The following CD38 variants were observed in gnomAD, a reference collection of about 807,000 sequenced individuals.
CD38 encodes CD38 molecule, also known as ADP-ribosyl cyclase/cyclic ADP-ribose hydrolase 1.
Under a neutral mutation model 36.3 loss-of-function variants are expected in CD38, and 31 were observed. The observed-to-expected ratio is 0.85, with a 90% CI of 0.64 to 1.15. The LOEUF (loss-of-function observed/expected upper bound fraction) is 1.15, where lower values mean the gene tolerates loss of function less well. Ranked by LOEUF, CD38 falls within the 50% of genes most tolerant of loss-of-function variation. The probability of loss-of-function intolerance (pLI) is 0.00; values close to 1 mark genes in which losing one functional copy is unlikely to be tolerated. For synonymous variants in CD38, 131 were observed against 135.2 expected, an observed-to-expected ratio of 0.97 and a Z score of 0.22; for missense variants, 380 against 371.9, an observed-to-expected ratio of 1.02 and a Z score of -0.18.
chr4:15,847,977 C>T lies in CD38; in HGVS notation c.840-562C>T, dbSNP rs79913564. ...ACAAGGGCAGGTTCTGACACCTCTT[C>T]CTTCCAGAAGCCCAGGGGTGCTGGC... is the stretch of plus-strand genomic sequence containing the variant. On this transcript the variant is annotated intron_variant, in intron 7 of 7. Coordinates refer to ENST00000226279, the MANE Select transcript of CD38 (RefSeq NM_001775.4). 3.9e-3 allele frequency among the ~76,000 whole-genome samples: 594 copies of T among 152,310 alleles called. 2 individuals carry two copies. Among genetic ancestry groups the T allele is most frequent in the African/African-American group, 0.013 (558 of 41,566 alleles).
rs766870428 is a variant in CD38, at chr4:15,816,645, T to A, written c.363+5T>A. On this transcript the variant is annotated splice_donor_5th_base_variant and intron_variant, in intron 2 of 7. Transcript: ENST00000226279. ...CAGACCGTACCTTGCAACAAGGTAATTGGGGGCATGCCATTGATTTTAAAA... is the reference window on the plus strand; with the variant it reads ...CAGACCGTACCTTGCAACAAGGTAAATGGGGGCATGCCATTGATTTTAAAA... The A allele has an allele frequency of 5.0e-6, 8 of 1,613,232 alleles. No individual in the cohort carries two copies.
At chr4:15,813,191 T>C (rs6449195) in intron 1 of CD38, among the ~76,000 whole-genome samples, 24,429 of 152,174 alleles carry the variant, frequency 0.16, 2,387 homozygotes, top group African/African-American at 0.28. Context: ...ATCTTTGGAC[T>C]GTACTTGATT....
At chr4:15,785,782 C>T (rs751948518) in intron 1 of CD38, among the ~76,000 whole-genome samples, 4 of 152,166 alleles carry the variant, frequency 2.6e-5, no homozygotes, top group South Asian at 2.1e-4. Flanking sequence ...GTCCGGAATT[C>T]GTGGGTTCTT....
intron 3 of CD38, among the ~76,000 whole-genome samples, chr4:15,827,434 A>G (rs1316278945): frequency 3.3e-5 from 5 of 152,036 alleles, no homozygotes; most frequent in Admixed American, 2.6e-4. Flanking sequence ...ATTTTCACCT[A>G]CTATTTTTAC....
chr4:15,783,933 A>G (rs537233522), intron 1 of CD38, among the ~76,000 whole-genome samples: 1 of 152,292 alleles, frequency 6.6e-6, no homozygotes, highest in African/African-American at 2.4e-5. Flanking sequence ...GCAAACACTT[A>G]GCAAAGACTT....
intron 2 of CD38, among the ~76,000 whole-genome samples, chr4:15,817,130 A>G (rs1723619366): frequency 6.6e-6 from 1 of 152,220 alleles, no homozygotes; most frequent in African/African-American, 2.4e-5. Flanking sequence ...AGGTGTCAGC[A>G]TCCCAATTTC....
chr4:15,827,641 T>A (rs1723876733), intron 3 of CD38, among the ~76,000 whole-genome samples: 1 of 152,144 alleles, frequency 6.6e-6, no homozygotes, highest in South Asian at 2.1e-4. Context: ...TTTAAATGTA[T>A]TTACAGTAGA....
At chr4:15,828,414 TGC>T (rs1296268029) in intron 3 of CD38, among the ~76,000 whole-genome samples, 1 of 152,176 alleles carries the variant, frequency 6.6e-6, no homozygotes, top group Non-Finnish European at 1.5e-5. Flanking sequence ...CACCATGCTG[TGC>T]AATAAATATT....
At chr4:15,841,989 G>A (rs1037491702) in intron 7 of CD38, among the ~76,000 whole-genome samples, 2 of 141,534 alleles carry the variant, frequency 1.4e-5, no homozygotes, top group East Asian at 2.0e-4. Flanking sequence ...GGGGAGGGGC[G>A]CCCGCCATTG....
At chr4:15,826,620 A>G (rs567478046) in intron 3 of CD38, among the ~76,000 whole-genome samples, 1 of 152,232 alleles carries the variant, frequency 6.6e-6, no homozygotes, top group East Asian at 1.9e-4. Flanking sequence ...GAGTATATAT[A>G]TGAGGCCAGG....
intron 4 of CD38, 31 bp from the exon 5 acceptor site, chr4:15,838,061 A>G (rs1359649219): frequency 6.3e-7 from 1 of 1,580,104 alleles, no homozygotes; most frequent in East Asian, 2.2e-5. Flanking sequence ...TTAAGTTTGC[A>G]TGATGAATGG....
At chr4:15,825,149 T>A in intron 3 of CD38, 133 bp downstream of exon 3, 2 of 778,340 alleles carry the variant, frequency 2.6e-6, no homozygotes, top group Middle Eastern at 2.6e-4. Flanking sequence ...TATACTTATA[T>A]TAGTCCATTT....
intron 1 of CD38, among the ~76,000 whole-genome samples, chr4:15,780,547 C>G (rs1722674343): frequency 6.6e-6 from 1 of 151,712 alleles, no homozygotes; most frequent in African/African-American, 2.4e-5. Context: ...CACACACACA[C>G]ACACACACAC....
At chr4:15,825,561 T>C (rs548622320) in intron 3 of CD38, 2 of 152,558 alleles carry the variant, frequency 1.3e-5, no homozygotes, top group Admixed American at 1.3e-4. Flanking sequence ...ATCCAAACTA[T>C]AGCACTACCC....
rs1186617339 is a variant in CD38, at chr4:15,778,608, C to T, written c.194C>T (p.Ala65Val). 16 of 1,613,578 alleles carry T rather than the reference C, an allele frequency of 9.9e-6. No individual in the cohort carries two copies. Among genetic ancestry groups the T allele is most frequent in the Non-Finnish European group, 1.3e-5 (15 of 1,179,866 alleles). ...AAGCGCTTTCCCGAGACCGTCCTGG[C>T]GCGATGCGTCAAGTACACTGAAATT... ...TTKRFPETVL[A>V]RCVKYTEIHP... Residue 65 changes from alanine (A) to valine (V), a missense_variant, in exon 1 of 8, where the codon GCG (alanine) becomes GTG (valine). By Grantham distance (64) the Ala-to-Val change is moderately conservative. Coordinates refer to ENST00000226279, the MANE Select transcript of CD38 (RefSeq NM_001775.4). This position sits in a 1 kb window ranked among gnomAD's most constrained non-coding sequence, Gnocchi z 4.9.
At chr4:15,826,456 T>TGCGCACGC (rs56967098) in intron 3 of CD38, among the ~76,000 whole-genome samples, 22 of 93,792 alleles carry the variant, frequency 2.3e-4, no homozygotes, top group African/African-American at 9.0e-4. Context: ...AACACTTTTG[T>TGCGCACGC]GCGCACACAC....
At chr4:15,831,628 G>A (rs1326745346) in intron 3 of CD38, among the ~76,000 whole-genome samples, 1 of 152,012 alleles carries the variant, frequency 6.6e-6, no homozygotes, top group African/African-American at 2.4e-5. Flanking sequence ...GGCCTGTAAG[G>A]TTTCCACTGA....
At chr4:15,784,133 T>C (rs1722761243) in intron 1 of CD38, among the ~76,000 whole-genome samples, 3 of 152,184 alleles carry the variant, frequency 2.0e-5, no homozygotes, top group Admixed American at 1.3e-4. Flanking sequence ...GAAGGAGCCA[T>C]TGCTTCTGTG....
At chr4:15,806,190 C>T (rs933986968) in intron 1 of CD38, among the ~76,000 whole-genome samples, 1 of 152,194 alleles carries the variant, frequency 6.6e-6, no homozygotes, top group African/African-American at 2.4e-5. Flanking sequence ...CTTCCTGCCC[C>T]GTGCCCTCTT....
Sources: allele counts gnomAD v4.1 joint callset (sites outside exome capture counted in the v4.1 genomes callset), GRCh38; gene constraint gnomAD v4.1.1; non-coding constraint Gnocchi (gnomAD v3.1); transcripts MANE v1.5; gene names NCBI Gene and HGNC (gene_info 2026-07-23, HGNC 2026-07-21).